The following GPANK1 variants were observed in gnomAD, a reference collection of about 807,000 sequenced individuals.
GPANK1 encodes G-patch domain and ankyrin repeats 1, also known as G patch domain and ankyrin repeat-containing protein 1.
A neutral mutation model predicts 24.0 loss-of-function variants in GPANK1; 22 were observed. The ratio of observed to expected loss-of-function variants is 0.92; its 90% CI spans 0.66 to 1.31. The LOEUF is 1.31. Among genes scored for constraint, GPANK1 ranks in the 50% most tolerant of loss-of-function variants. The pLI is 0.00. For synonymous variants in GPANK1, 174 were observed against 177.4 expected, an observed-to-expected ratio of 0.98 and a Z score of 0.15; for missense variants, 469 against 453.5, an observed-to-expected ratio of 1.03 and a Z score of -0.31.
Position 31,664,172 on chromosome 6 carries a change from TATCCTC to T in GPANK1, c.301_306del (p.Glu101_Asp102del). The stretch of plus-strand genomic sequence containing the variant: ...GCCCTCAGTATCCGGTGAGTCATCT[TATCCTC>T]AGCCTCAAGGGATCTCCCTTGTCCA... On this transcript the variant is annotated inframe_deletion, in exon 2 of 3. Coordinates refer to ENST00000375896, the MANE Select transcript of GPANK1 (RefSeq NM_033177.4). 8 of 1,614,252 alleles carry T rather than the reference TATCCTC, an allele frequency of 5.0e-6. No individual in the cohort carries two copies. The highest frequency in any genetic ancestry group is 5.1e-6 in the Non-Finnish European group (6 of 1,180,032).
At position 31,662,587 on chromosome 6, in the gene GPANK1, T is replaced by G; in HGVS notation, c.750A>C (p.Pro250=). Reference sequence around the variant, plus strand: ...CCGGGCTGGAGATGGGCACCCCAAGTGGAAGGTTGGGAGGCTGAGGACCCT... The same window carrying G: ...CCGGGCTGGAGATGGGCACCCCAAGGGGAAGGTTGGGAGGCTGAGGACCCT... ...LSQGPQPPNL[P]LGVPISSPGF... The change falls in exon 3 of 3, where the codon CCA becomes CCC. Residue 250 remains proline, a synonymous_variant. Transcript: ENST00000375896. This position sits in a 1 kb window ranked among gnomAD's most constrained non-coding sequence, Gnocchi z 5.5. The G allele has an allele frequency of 1.2e-6, 2 of 1,612,176 alleles. No homozygotes were observed. Among genetic ancestry groups the G allele is most frequent in the Non-Finnish European group, 1.7e-6 (2 of 1,179,692 alleles).
chr6:31,663,513 A>C (rs1801181736), intron 2 of GPANK1: 1 of 284,214 alleles, frequency 3.5e-6, no homozygotes, highest in Non-Finnish European at 6.5e-6. Flanking sequence ...AGTCATAATG[A>C]CTATAGCTAA....
rs1801425609 is a variant in GPANK1 at position 31,664,848 on chromosome 6, A to G, written c.-107T>C. On this transcript the variant is annotated 5_prime_UTR_variant, in exon 1 of 3. Coordinates refer to ENST00000375896, the MANE Select transcript of GPANK1 (RefSeq NM_033177.4). The stretch of plus-strand genomic sequence containing the variant: ...CCACCCCGTAAGACATACCAGTAGG[A>G]AAAAAAAATCAGCCTGGCCCTTTAA... 1 of 254,250 alleles carries G rather than the reference A, an allele frequency of 3.9e-6. No individual in the cohort carries two copies. The highest frequency in any genetic ancestry group is 7.5e-6 in the Non-Finnish European group (1 of 132,988). 15.7% of individuals were successfully genotyped at this position (254,250 alleles called of 1,614,324 possible).
Position 31,662,274 on chromosome 6 carries a change from C to T in GPANK1, c.1063G>A (p.Glu355Lys), listed in dbSNP as rs747835412. The T allele has an allele frequency of 2.0e-6, 3 of 1,536,908 alleles. No homozygotes were observed. The highest frequency in any genetic ancestry group is 1.8e-4 in the Middle Eastern group (1 of 5,692). Residue 355 changes from glutamate to lysine, a missense_variant, in exon 3 of 3, where the codon GAG becomes AAG. Glu to Lys is a moderately conservative substitution (Grantham distance 56). Transcript: ENST00000375896. The surrounding 1 kb of genome is among the most constrained non-coding windows in gnomAD (Gnocchi z 5.5). ...GTCAGACTTTACCAAAGTCAGAACT[C>T]GAGGTTCATGTAAGTCCTTAGATCC... is the stretch of plus-strand genomic sequence containing the variant. ...ERDLRTYMNL[E>K]F is the part of the protein sequence containing the mutation.
At chr6:31,665,523 C>T (rs1801547078), upstream of GPANK1, 1 of 1,550,228 alleles carries the variant, frequency 6.5e-7, no homozygotes, top group East Asian at 2.4e-5. Context: ...CCAGTTCTCA[C>T]ACCGCCCACC....
upstream of GPANK1, chr6:31,665,433 AG>A: frequency 6.4e-7 from 1 of 1,562,494 alleles, no homozygotes. Context: ...GGTCACACTT[AG>A]AGCCTAAGGG....
chr6:31,661,742 T>C lies in GPANK1; in HGVS notation c.*524A>G. 1 of 164,558 alleles carries C rather than the reference T, an allele frequency of 6.1e-6. No individual in the cohort carries two copies. The highest frequency in any genetic ancestry group is 1.3e-5 in the Non-Finnish European group (1 of 75,548). 10.2% of individuals were successfully genotyped at this position (164,558 alleles called of 1,614,324 possible). ...AATTGATAACATGGCACTTTCCCTC[T>C]CCAGCTGTGAACTCTTTGAGGGTTG... is the stretch of plus-strand genomic sequence containing the variant. On this transcript the variant is annotated 3_prime_UTR_variant, in exon 3 of 3. Coordinates refer to ENST00000375896, the MANE Select transcript of GPANK1 (RefSeq NM_033177.4).
In GPANK1 at chr6:31,664,521, G is replaced by A; in HGVS notation, c.-43C>T. 1 of 1,502,854 alleles carries A rather than the reference G, an allele frequency of 6.7e-7. No individual in the cohort carries two copies. The highest frequency in any genetic ancestry group is 2.3e-5 in the East Asian group (1 of 44,052). The allele number at this position is 1,502,854 out of a possible 1,614,324, so 93.1% of individuals were successfully genotyped here. On this transcript the variant is annotated 5_prime_UTR_variant, in exon 2 of 3. Coordinates refer to ENST00000375896, the MANE Select transcript of GPANK1 (RefSeq NM_033177.4). The stretch of plus-strand genomic sequence containing the variant: ...AGAAAATGATACCAGGCAAGGGAAG[G>A]ATGAGACAAGTAAGCCAAGCTCGTG...
rs746014080 is a variant in GPANK1, at chr6:31,664,475, A to T, written c.4T>A (p.Ser2Thr). 128 of 1,607,140 alleles carry T rather than the reference A, an allele frequency of 8.0e-5. No individual in the cohort carries two copies. Among genetic ancestry groups the T allele is most frequent in the Non-Finnish European group, 1.1e-4 (125 of 1,176,006 alleles). Residue 2 changes from serine to threonine, a missense_variant, in exon 2 of 3, where the codon TCC becomes ACC. Ser to Thr is a moderately conservative substitution (Grantham distance 58). Coordinates refer to ENST00000375896, the MANE Select transcript of GPANK1 (RefSeq NM_033177.4). M[S>T]RPLLITFTPA... ...GTGAAGGTGATGAGCAAGGGCCGGG[A>T]CATGGCTTTTGGGAGAACTGAGAAA...
upstream of GPANK1, chr6:31,665,615 C>A: frequency 9.5e-7 from 1 of 1,049,628 alleles, no homozygotes; most frequent in Non-Finnish European, 1.4e-6. Context: ...AACAGTATGC[C>A]CGTCAAGGGT....
Position 31,664,178 on chromosome 6 carries a change from C to T in GPANK1, c.301G>A (p.Glu101Lys), listed in dbSNP as rs1440276724. The stretch of plus-strand genomic sequence containing the variant: ...AGTATCCGGTGAGTCATCTTATCCT[C>T]AGCCTCAAGGGATCTCCCTTGTCCA... ...RHGQGRSLEAEDKMTHRILRA... is the reference protein window; with the variant it reads ...RHGQGRSLEAKDKMTHRILRA... The change falls in exon 2 of 3, where the codon GAG becomes AAG. Residue 101 changes from glutamate (E) to lysine (K), a missense_variant. Physicochemically the swap from Glu to Lys is moderately conservative, Grantham distance 56. Coordinates refer to ENST00000375896, the MANE Select transcript of GPANK1 (RefSeq NM_033177.4). The T allele has an allele frequency of 3.1e-6, 5 of 1,614,230 alleles. No individual in the cohort carries two copies. The highest frequency in any genetic ancestry group is 4.2e-6 in the Non-Finnish European group (5 of 1,180,040).
chr6:31,662,300 C>G lies in GPANK1; in HGVS notation c.1037G>C (p.Arg346Pro). The G allele has an allele frequency of 6.4e-7, 1 of 1,570,382 alleles. No individual in the cohort carries two copies. Among genetic ancestry groups the G allele is most frequent in the Non-Finnish European group, 8.7e-7 (1 of 1,155,652 alleles). Reference protein sequence around the residue: ...RREEKDRAWERDLRTYMNLEF With the variant: ...RREEKDRAWEPDLRTYMNLEF ...GAGGTTCATGTAAGTCCTTAGATCC[C>G]GCTCCCAAGCCCTGTCTTTCTCCTC... Residue 346 changes from arginine (R) to proline (P), a missense_variant, in exon 3 of 3, where the codon CGG (arginine) becomes CCG (proline). Transcript: ENST00000375896. This position sits in a 1 kb window ranked among gnomAD's most constrained non-coding sequence, Gnocchi z 5.5.
rs1206758405 is a variant in GPANK1 at position 31,662,951 on chromosome 6, T to G, written c.627-241A>C. ...TGGGCAAAATGGCAACGCCTGCTTT[T>G]TTTTTTTTTTTTTTTGAGATGGAGT... On this transcript the variant is annotated intron_variant, in intron 2 of 2. Transcript: ENST00000375896. This position sits in a 1 kb window ranked among gnomAD's most constrained non-coding sequence, Gnocchi z 5.5. Among the ~76,000 whole-genome samples, 1 of 148,252 alleles carries G rather than the reference T, an allele frequency of 6.7e-6. No individual in the cohort carries two copies. The highest frequency in any genetic ancestry group is 2.5e-5 in the African/African-American group (1 of 39,936).
intron 2 of GPANK1, among the ~76,000 whole-genome samples, chr6:31,663,058 G>A (rs1483739891): frequency 6.7e-6 from 1 of 148,466 alleles, no homozygotes; most frequent in African/African-American, 2.5e-5. Context: ...TCCTGCCTCA[G>A]CCTCCCAAGT....
At position 31,662,722 on chromosome 6, in the gene GPANK1, G is replaced by C. The variant is rs777104467; in HGVS notation, c.627-12C>G. 11 of 1,539,762 alleles carry C rather than the reference G, an allele frequency of 7.1e-6. No homozygotes were observed. Among genetic ancestry groups the C allele is most frequent in the South Asian group, 2.4e-5 (2 of 84,550 alleles). ...AGGGAGTAGGAGACCTGCAGAGAAA[G>C]AAGAAAAAGCATTAAGGGCAGGGGA... is the stretch of plus-strand genomic sequence containing the variant. On this transcript the variant is annotated splice_polypyrimidine_tract_variant and intron_variant, in intron 2 of 2. Coordinates refer to ENST00000375896, the MANE Select transcript of GPANK1 (RefSeq NM_033177.4). The surrounding 1 kb of genome is among the most constrained non-coding windows in gnomAD (Gnocchi z 5.5).
chr6:31,662,778 G>A lies in GPANK1; in HGVS notation c.627-68C>T, dbSNP rs776924692. The A allele has an allele frequency of 1.2e-4, 115 of 972,968 alleles. No individual in the cohort carries two copies. The highest frequency in any genetic ancestry group is 1.7e-4 in the Non-Finnish European group (110 of 645,566). The allele number at this position is 972,968 out of a possible 1,614,324, so 60.3% of individuals were successfully genotyped here. On this transcript the variant is annotated intron_variant, in intron 2 of 2. Coordinates refer to ENST00000375896, the MANE Select transcript of GPANK1 (RefSeq NM_033177.4). This position sits in a 1 kb window ranked among gnomAD's most constrained non-coding sequence, Gnocchi z 5.5. ...AAGGGGAAGAGTTGAGGCCTCAGAG[G>A]GGGCTGGCAGGGTAGAATAGGATCT...
chr6:31,662,413 A>G lies in GPANK1; in HGVS notation c.924T>C (p.His308=). 1 of 1,612,544 alleles carries G rather than the reference A, an allele frequency of 6.2e-7. No individual in the cohort carries two copies. Among genetic ancestry groups the G allele is most frequent in the Non-Finnish European group, 8.5e-7 (1 of 1,179,812 alleles). Residue 308 remains histidine (H), a synonymous_variant, in exon 3 of 3, where the codon CAT becomes CAC. Coordinates refer to ENST00000375896, the MANE Select transcript of GPANK1 (RefSeq NM_033177.4). The surrounding 1 kb of genome is among the most constrained non-coding windows in gnomAD (Gnocchi z 5.5). ...CAGCTCGGGTATCCCAAGCTGGGAA[A>G]TGTGTCACTCGGGGCTGGGGTGCTG... ...YRSAPQPRVT[H]FPAWDTRAVA...
chr6:31,664,782 T>A, intron 1 of GPANK1, 59 bp downstream of exon 1: 1 of 404,836 alleles, frequency 2.5e-6, no homozygotes, highest in Non-Finnish European at 4.4e-6. Flanking sequence ...ACCCCCATCC[T>A]CACCAACAAT....
upstream of GPANK1, chr6:31,665,835 A>G (rs1801610133): frequency 1.7e-6 from 2 of 1,179,800 alleles, no homozygotes; most frequent in Non-Finnish European, 2.1e-6. Context: ...TGTATTGCCC[A>G]GACTCCCGGG....
Sources: allele counts gnomAD v4.1 joint callset (sites outside exome capture counted in the v4.1 genomes callset), GRCh38; gene constraint gnomAD v4.1.1; non-coding constraint Gnocchi (gnomAD v3.1); transcripts MANE v1.5; gene names NCBI Gene and HGNC (gene_info 2026-07-23, HGNC 2026-07-21).